Variants in PCDHA2 observed in about 807,000 individuals in gnomAD.
The protein encoded by PCDHA2 is protocadherin alpha-2.
In PCDHA2, 58 loss-of-function variants were observed where a neutral mutation model predicts 66.0. The ratio of observed to expected loss-of-function variants is 0.88; its 90% CI spans 0.71 to 1.09. PCDHA2 has a LOEUF of 1.09. Ranked by LOEUF, PCDHA2 falls within the 50% of genes least tolerant of loss-of-function variation. PCDHA2 has a pLI of 0.00. For missense variants in PCDHA2, 1,267 were observed against 1,242.3 expected (o/e 1.02, Z -0.30); for synonymous variants, 634 against 554.0 (o/e 1.14, Z -2.03).
chr5:140,971,787 A>G (rs1554233619), intron 1 of PCDHA2, among the ~76,000 whole-genome samples: 5 of 152,124 alleles, frequency 3.3e-5, no homozygotes, highest in Admixed American at 1.3e-4. Context: ...AGATTATTCA[A>G]TATATTGAAT....
intron 1 of PCDHA2, chr5:140,848,303 C>T: frequency 2.9e-6 from 2 of 685,962 alleles, no homozygotes; most frequent in Non-Finnish European, 5.0e-6. Context: ...CACGTGATGT[C>T]ACTCTTTGCC....
chr5:140,998,017 C>T (rs555584429), intron 3 of PCDHA2, among the ~76,000 whole-genome samples: 67 of 152,292 alleles, frequency 4.4e-4, no homozygotes, highest in African/African-American at 1.4e-3. Context: ...ATCCCCACCT[C>T]GAGCTAGTGC....
intron 3 of PCDHA2, among the ~76,000 whole-genome samples, chr5:140,994,912 A>G (rs2097655532): frequency 6.6e-6 from 1 of 152,222 alleles, no homozygotes; most frequent in Admixed American, 6.5e-5. Flanking sequence ...GTAGACTGGA[A>G]TCAGATTTTG....
chr5:140,993,530 AG>A (rs2097570679), intron 3 of PCDHA2, among the ~76,000 whole-genome samples: 7 of 152,044 alleles, frequency 4.6e-5, no homozygotes, highest in African/African-American at 1.7e-4. Context: ...AGACAGAGAG[AG>A]AGAGAGATAG....
intron 1 of PCDHA2, among the ~76,000 whole-genome samples, chr5:140,957,852 A>ATT (rs5871756): frequency 1.3e-5 from 2 of 151,656 alleles, no homozygotes; most frequent in East Asian, 1.9e-4. Flanking sequence ...GAGTTTGTGT[A>ATT]TTTTTTTTCC....
At chr5:140,958,711 T>C (rs1402769483) in intron 1 of PCDHA2, among the ~76,000 whole-genome samples, 1 of 152,216 alleles carries the variant, frequency 6.6e-6, no homozygotes, top group Non-Finnish European at 1.5e-5. Flanking sequence ...AACTCTGTTA[T>C]AATAAATGTA....
intron 3 of PCDHA2, among the ~76,000 whole-genome samples, chr5:141,000,401 A>ATT (rs2097917579): frequency 1.3e-5 from 1 of 76,232 alleles, no homozygotes; most frequent in Non-Finnish European, 2.5e-5. Flanking sequence ...CTCTCTATAT[A>ATT]TATATATATA....
chr5:140,846,373 CTT>C (rs374699051), intron 1 of PCDHA2, among the ~76,000 whole-genome samples: 1,689 of 55,008 alleles, frequency 0.031, 26 homozygotes, highest in African/African-American at 0.077. Context: ...TTCTTTCTTT[CTT>C]TTTTTTTTTT....
At chr5:140,905,594 G>A (rs62384488) in intron 1 of PCDHA2, among the ~76,000 whole-genome samples, 48,024 of 151,986 alleles carry the variant, frequency 0.32, 7,949 homozygotes, top group East Asian at 0.53. Flanking sequence ...ATTTTGCTGG[G>A]AATTGCATTG....
At chr5:140,809,279 G>C in intron 1 of PCDHA2, 3 of 1,614,106 alleles carry the variant, frequency 1.9e-6, no homozygotes, top group Non-Finnish European at 2.5e-6. Flanking sequence ...GGATGTCAAC[G>C]TATACCTGAT....
intron 1 of PCDHA2, chr5:140,800,897 T>G: frequency 2.6e-6 from 1 of 388,204 alleles, no homozygotes; most frequent in South Asian, 6.6e-5. Flanking sequence ...CTTTGAGGAG[T>G]GACCGAAGGA....
chr5:140,870,207 T>G, intron 1 of PCDHA2: 1 of 1,614,156 alleles, frequency 6.2e-7, no homozygotes, highest in Non-Finnish European at 8.5e-7. Flanking sequence ...GCACGGTCAT[T>G]GCCCTGATCA....
At chr5:140,884,995 T>C (rs1168400289) in intron 1 of PCDHA2, among the ~76,000 whole-genome samples, 1 of 152,228 alleles carries the variant, frequency 6.6e-6, no homozygotes, top group African/African-American at 2.4e-5. Context: ...AAAATGTTTG[T>C]TTTAATGAGG....
At chr5:140,952,955 A>G (rs1244776708) in intron 1 of PCDHA2, among the ~76,000 whole-genome samples, 1 of 152,044 alleles carries the variant, frequency 6.6e-6, no homozygotes, top group Non-Finnish European at 1.5e-5. Context: ...AGAAGGGGGA[A>G]GTGATACACA....
intron 1 of PCDHA2, among the ~76,000 whole-genome samples, chr5:140,975,382 A>G (rs1219046015): frequency 1.3e-5 from 2 of 152,258 alleles, no homozygotes; most frequent in African/African-American, 4.8e-5. Flanking sequence ...AATCATGGGA[A>G]TAAGATCCAT....
chr5:140,845,026 C>T (rs1193060489), intron 1 of PCDHA2, among the ~76,000 whole-genome samples: 2 of 149,188 alleles, frequency 1.3e-5, no homozygotes, highest in Non-Finnish European at 3.0e-5. Flanking sequence ...CATTTATGGG[C>T]ATATTTTAGC....
chr5:140,795,323 A>C lies in PCDHA2; in HGVS notation c.359A>C (p.Glu120Ala), dbSNP rs782451559. Residue 120 changes from glutamate to alanine, a missense_variant, in exon 1 of 4, where the codon GAA becomes GCA. Transcript: ENST00000526136. ...AGGCCGCTGCAGGTTTTCCATGTGG[A>C]AGTGGAGGTGAAGGACATTAACGAC... The part of the protein sequence containing the change: ...VDRPLQVFHV[E>A]VEVKDINDNP... The C allele has an allele frequency of 8.1e-6, 13 of 1,614,190 alleles. No individual in the cohort carries two copies. Among genetic ancestry groups the C allele is most frequent in the Non-Finnish European group, 1.1e-5 (13 of 1,180,036 alleles).
intron 1 of PCDHA2, chr5:140,884,714 C>A: frequency 1.4e-6 from 2 of 1,471,312 alleles, no homozygotes; most frequent in Non-Finnish European, 9.0e-7. Context: ...GCCTTCCTTG[C>A]AGTTGTTTGT....
intron 1 of PCDHA2, chr5:140,802,515 A>G (rs782713590): frequency 2.5e-6 from 4 of 1,614,046 alleles, no homozygotes; most frequent in African/African-American, 2.7e-5. Flanking sequence ...GGCCACGGCC[A>G]GCGTGTCCGT....
Sources: gnomAD v4.1 joint callset for allele counts (sites outside exome capture counted in the v4.1 genomes callset) on GRCh38, gnomAD v4.1.1 for gene constraint, MANE v1.5 for transcripts, NCBI Gene and HGNC (gene_info 2026-07-23, HGNC 2026-07-21) for gene names.